NCOR2: variants seen among roughly 807,000 people sequenced by gnomAD.
The protein encoded by NCOR2 is CTG repeat protein 26.
A neutral mutation model predicts 262.9 loss-of-function variants in NCOR2; 81 were observed. The observed-to-expected ratio is 0.31, with a 90% CI of 0.26 to 0.37. The LOEUF (loss-of-function observed/expected upper bound fraction) is 0.37, where lower values mean the gene tolerates loss of function less well. Among genes scored for constraint, NCOR2 ranks in the 10% least tolerant of loss-of-function variants. The pLI is 1.00. For synonymous variants in NCOR2, 1,659 were observed against 1,559.3 expected (o/e 1.06, Z -1.51); for missense variants, 3,385 against 3,621.4 (o/e 0.93, Z 1.68).
At chr12:124,357,635 G>A (rs1241637570) in intron 22 of NCOR2, among the ~76,000 whole-genome samples, 2 of 152,256 alleles carry the variant, frequency 1.3e-5, no homozygotes, top group East Asian at 3.8e-4. Context: ...ACTGGAGCGT[G>A]GCCACATCTG....
At chr12:124,429,730 A>AAGG in intron 9 of NCOR2, 24 bp from the exon 12 acceptor site, 1 of 1,578,560 alleles carries the variant, frequency 6.3e-7, no homozygotes, top group Non-Finnish European at 8.6e-7. Context: ...GGACACACTC[A>AAGG]GGACCGGTCT....
intron 7 of NCOR2, among the ~76,000 whole-genome samples, chr12:124,438,385 G>A (rs2044498288): frequency 6.6e-6 from 1 of 152,164 alleles, no homozygotes; most frequent in Non-Finnish European, 1.5e-5. Flanking sequence ...CCCGAGACCT[G>A]CTGCCGCCCA....
In NCOR2 at chr12:124,523,716, C is replaced by T. The variant is rs1039564464; in HGVS notation, c.-118+11849G>A. Among the ~76,000 whole-genome samples the T allele has an allele frequency of 6.6e-6, 1 of 152,028 alleles. No individual in the cohort carries two copies. Among genetic ancestry groups the T allele is most frequent in the Non-Finnish European group, 1.5e-5 (1 of 68,016 alleles). Reference sequence around the variant, plus strand: ...ATTTGTGTTGGGCTGCATTTAAAACCGTCCTGAGCCGCAGGTTGGACAAGC... The same window carrying T: ...ATTTGTGTTGGGCTGCATTTAAAACTGTCCTGAGCCGCAGGTTGGACAAGC... On this transcript the variant is annotated intron_variant, in intron 1 of 46. Transcript: ENST00000404621. The surrounding 1 kb of genome is among the most constrained non-coding windows in gnomAD (Gnocchi z 4.0).
At chr12:124,340,632 T>C (rs767750462) in exon 35 of NCOR2, 2 of 1,495,982 alleles carry the variant, frequency 1.3e-6, no homozygotes, top group African/African-American at 2.8e-5. Context: ...CTGTGGCGGC[T>C]GCTGAAGGGC....
intron 7 of NCOR2, 103 bp from the exon 10 acceptor site, chr12:124,438,099 A>G: frequency 8.9e-7 from 1 of 1,124,760 alleles, no homozygotes; most frequent in Non-Finnish European, 1.3e-6. Context: ...TTGCCCCGTT[A>G]TTGGTTCTCA....
intron 16 of NCOR2, among the ~76,000 whole-genome samples, chr12:124,392,554 T>C (rs905994090): frequency 6.6e-6 from 1 of 152,102 alleles, no homozygotes; most frequent in Non-Finnish European, 1.5e-5. Flanking sequence ...CACCAGGAAG[T>C]AGCCGGGCAG....
At chr12:124,564,218 C>A (rs933959617) in intron 1 of NCOR2, among the ~76,000 whole-genome samples, 9 of 152,200 alleles carry the variant, frequency 5.9e-5, no homozygotes, top group South Asian at 2.1e-4. Flanking sequence ...TCAAAAGATG[C>A]CCAGCTGGCC....
chr12:124,519,618 T>G (rs2050062975), intron 1 of NCOR2, among the ~76,000 whole-genome samples: 1 of 152,002 alleles, frequency 6.6e-6, no homozygotes, highest in Admixed American at 6.6e-5. Flanking sequence ...GGAGGGGAAG[T>G]GGTCAGATGG....
intron 1 of NCOR2, among the ~76,000 whole-genome samples, chr12:124,532,180 C>T (rs2050829241): frequency 6.6e-6 from 1 of 152,110 alleles, no homozygotes; most frequent in Non-Finnish European, 1.5e-5. Flanking sequence ...GCACGCATAG[C>T]GAGTGTCGGC....
chr12:124,429,765 A>T (rs2043808057), intron 9 of NCOR2, 59 bp from the exon 12 acceptor site: 1 of 1,477,104 alleles, frequency 6.8e-7, no homozygotes, highest in African/African-American at 1.4e-5. Flanking sequence ...ACACTAGCAG[A>T]CCCCTGTGGC....
At chr12:124,478,441 C>A (rs969487855) in intron 3 of NCOR2, among the ~76,000 whole-genome samples, 1 of 152,176 alleles carries the variant, frequency 6.6e-6, no homozygotes, top group Non-Finnish European at 1.5e-5. Flanking sequence ...ACTCCGGAGG[C>A]TGAAGAGCAG....
chr12:124,413,057 C>T (rs2042671040), intron 13 of NCOR2, among the ~76,000 whole-genome samples: 1 of 152,222 alleles, frequency 6.6e-6, no homozygotes, highest in African/African-American at 2.4e-5. Context: ...CACTTCTCAC[C>T]CCCAGCCCAC....
chr12:124,537,193 C>T (rs2051139667), upstream of NCOR2, among the ~76,000 whole-genome samples: 1 of 152,222 alleles, frequency 6.6e-6, no homozygotes, highest in South Asian at 2.1e-4. Context: ...GAAGGCAGCC[C>T]ATGTCTACAA....
At chr12:124,431,269 A>G (rs1161842699) in intron 8 of NCOR2, among the ~76,000 whole-genome samples, 1 of 152,014 alleles carries the variant, frequency 6.6e-6, no homozygotes, top group Non-Finnish European at 1.5e-5. Flanking sequence ...CAAGTCACAC[A>G]GGCAGACACA....
chr12:124,386,393 AG>A (rs1421343684), intron 16 of NCOR2, among the ~76,000 whole-genome samples: 2 of 151,870 alleles, frequency 1.3e-5, no homozygotes, highest in Admixed American at 1.3e-4. Context: ...CGTGGTGAGC[AG>A]GGGATGGGAG....
chr12:124,325,649 G>T, intron 46 of NCOR2, 66 bp from the exon 49 acceptor site: 2 of 1,119,360 alleles, frequency 1.8e-6, no homozygotes, highest in Non-Finnish European at 2.3e-6. Context: ...CTGGCCGCCT[G>T]CCCACCACAC....
intron 38 of NCOR2, chr12:124,335,955 A>G: frequency 3.0e-6 from 1 of 338,452 alleles, no homozygotes; most frequent in Non-Finnish European, 5.5e-6. Context: ...TGGGGGCAGC[A>G]TGGGTCTCTG....
chr12:124,368,499 G>A (rs944565582), intron 20 of NCOR2, among the ~76,000 whole-genome samples: 1 of 152,032 alleles, frequency 6.6e-6, no homozygotes, highest in Admixed American at 6.5e-5. Context: ...ACCCTGACCC[G>A]TCACTTCCAC....
In NCOR2 at chr12:124,373,911, C is replaced by A. The variant is rs2660377; in HGVS notation, c.2218+502G>T. Among the ~76,000 whole-genome samples, 2,829 of 116,032 alleles carry A rather than the reference C, an allele frequency of 0.024. 548 individuals carry two copies. In the East Asian group the frequency reaches 0.41, roughly 17 times the overall value. 76.1% of individuals were successfully genotyped at this position (116,032 alleles called of 152,430 possible). ...AACGAGGCCAGTGCGTGTGCAGGGG[C>A]CCCGGGCACAGCCCACACCAACGGC... On this transcript the variant is annotated intron_variant, in intron 19 of 46. Transcript: ENST00000405201.
Sources: gnomAD v4.1 joint callset for allele counts (sites outside exome capture counted in the v4.1 genomes callset) on GRCh38, gnomAD v4.1.1 for gene constraint, Gnocchi (gnomAD v3.1) non-coding constraint, MANE v1.5 for transcripts, NCBI Gene and HGNC (gene_info 2026-07-23, HGNC 2026-07-21) for gene names.